The following CRTAC1 variants were observed in gnomAD, a reference collection of about 807,000 sequenced individuals.
CRTAC1 encodes cartilage acidic protein 1.
CRTAC1 carries 37 observed loss-of-function variants against 67.8 expected under a neutral mutation model. The observed-to-expected ratio is 0.55, with a 90% CI of 0.42 to 0.72. CRTAC1 has a LOEUF of 0.72. Among genes scored for constraint, CRTAC1 ranks in the 30% least tolerant of loss-of-function variants. The pLI, the probability that CRTAC1 is intolerant of heterozygous loss-of-function variation, is 0.00. For missense variants in CRTAC1, 780 were observed against 931.6 expected (o/e 0.84, Z 2.12); for synonymous variants, 348 against 371.0 (o/e 0.94, Z 0.71).
rs114558221 is a variant in CRTAC1, at chr10:97,940,810, C to T, written c.225-4444G>A. Among the ~76,000 whole-genome samples the T allele has an allele frequency of 7.1e-3, 1,076 of 152,308 alleles. 8 individuals carry two copies. The highest frequency in any genetic ancestry group is 0.023 in the African/African-American group (963 of 41,564). ...CGAGGTGCCAGAGTGTGTGTGACAA[C>T]ACTTGGTAAACTGTGAAGAGTTACA... On this transcript the variant is annotated intron_variant, in intron 2 of 14. Coordinates refer to ENST00000370597, the MANE Select transcript of CRTAC1 (RefSeq NM_018058.7).
intron 11 of CRTAC1, among the ~76,000 whole-genome samples, chr10:97,887,195 A>G (rs994943518): frequency 8.0e-5 from 12 of 149,896 alleles, no homozygotes; most frequent in Admixed American, 2.6e-4. Flanking sequence ...ATAGACAATC[A>G]CAGATTTGCA....
At chr10:97,882,605 C>A (rs684225) in intron 13 of CRTAC1, among the ~76,000 whole-genome samples, 181 bp downstream of exon 13, 58,325 of 152,100 alleles carry the variant, frequency 0.38, 11,962 homozygotes, top group East Asian at 0.59. Context: ...TAATATCACT[C>A]CCACCCTGGT....
At chr10:97,955,427 C>T (rs2051424734) in intron 2 of CRTAC1, among the ~76,000 whole-genome samples, 1 of 152,262 alleles carries the variant, frequency 6.6e-6, no homozygotes, top group Non-Finnish European at 1.5e-5. Flanking sequence ...CCCCTGTACA[C>T]TGCACTGCTT....
intron 2 of CRTAC1, among the ~76,000 whole-genome samples, chr10:97,969,196 C>G (rs544570184): frequency 6.6e-6 from 1 of 152,330 alleles, no homozygotes; most frequent in Admixed American, 6.5e-5. Flanking sequence ...ATCCCAGCTC[C>G]AATCCAAGAG....
chr10:97,927,532 G>C (rs2050939559), intron 3 of CRTAC1, among the ~76,000 whole-genome samples: 1 of 152,228 alleles, frequency 6.6e-6, no homozygotes, highest in Non-Finnish European at 1.5e-5. Context: ...TGTCTGGTCA[G>C]GCTCAGAGCT....
intron 11 of CRTAC1, among the ~76,000 whole-genome samples, chr10:97,891,732 G>C (rs2050377754): frequency 2.6e-5 from 4 of 152,156 alleles, no homozygotes; most frequent in Non-Finnish European, 5.9e-5. Context: ...CTTCTCCACT[G>C]GCGCCCTCGC....
intron 2 of CRTAC1, among the ~76,000 whole-genome samples, chr10:98,006,819 A>G (rs915454773): frequency 6.6e-6 from 1 of 152,224 alleles, no homozygotes; most frequent in Non-Finnish European, 1.5e-5. Context: ...ATAAGGTAAT[A>G]GAGGGTGGAC....
intron 2 of CRTAC1, among the ~76,000 whole-genome samples, chr10:98,010,549 C>T (rs1308460485): frequency 6.6e-6 from 1 of 152,142 alleles, no homozygotes; most frequent in African/African-American, 2.4e-5. Context: ...ATTTGGATTC[C>T]TAGTCTTATG....
intron 2 of CRTAC1, among the ~76,000 whole-genome samples, chr10:97,953,507 G>C (rs1421477752): frequency 6.6e-6 from 1 of 152,178 alleles, no homozygotes; most frequent in Non-Finnish European, 1.5e-5. Flanking sequence ...AACACTGTCT[G>C]TGTTGGTTTA....
At chr10:97,976,763 G>A (rs1053820527) in intron 2 of CRTAC1, among the ~76,000 whole-genome samples, 11 of 152,136 alleles carry the variant, frequency 7.2e-5, no homozygotes, top group South Asian at 4.2e-4. Context: ...TCTATTTTTC[G>A]TACTAGTTAT....
At chr10:98,006,442 G>A (rs971690488) in intron 2 of CRTAC1, among the ~76,000 whole-genome samples, 4 of 152,036 alleles carry the variant, frequency 2.6e-5, no homozygotes, top group East Asian at 1.9e-4. Flanking sequence ...GATCTGAGCC[G>A]GCCCAGTCCC....
chr10:97,987,633 A>G (rs1350099058), intron 2 of CRTAC1, among the ~76,000 whole-genome samples: 1 of 152,200 alleles, frequency 6.6e-6, no homozygotes. Context: ...ATCTACATGC[A>G]CCTACTTTCC....
rs187123855 is a variant in CRTAC1, at chr10:97,884,289, C to T, written c.1549G>A (p.Val517Met). 707 of 1,555,384 alleles carry T rather than the reference C, an allele frequency of 4.5e-4. No individual in the cohort carries two copies. The highest frequency in any genetic ancestry group is 1.6e-3 in the Middle Eastern group (9 of 5,542). Residue 517 changes from valine (V) to methionine (M), a missense_variant, in exon 12 of 15, where the codon GTG becomes ATG. Coordinates refer to ENST00000370597, the MANE Select transcript of CRTAC1 (RefSeq NM_018058.7). Reference protein sequence around the residue: ...WPDGKMVSRNVASGEMNSVLE... With the variant: ...WPDGKMVSRNMASGEMNSVLE... The stretch of plus-strand genomic sequence containing the variant: ...ACTGAGTTCATCTCCCCGCTGGCCA[C>T]GTTCCGGCTCACCATCTTGCCATCT...
chr10:98,011,305 G>C lies in CRTAC1; in HGVS notation c.57C>G (p.Leu19=), dbSNP rs1380656519. ...ACCCCTCAGTGATGGGCAGAAACCA[G>C]AGCAGCAGCAGGAACGGTAACATCC... The part of the protein sequence containing the change: ...MSRMLPFLLL[L]WFLPITEGSQ... Residue 19 remains leucine, a synonymous_variant, in exon 2 of 15, where the codon CTC becomes CTG. Coordinates refer to ENST00000370597, the MANE Select transcript of CRTAC1 (RefSeq NM_018058.7). The C allele has an allele frequency of 6.2e-7, 1 of 1,614,016 alleles. No homozygotes were observed. The highest frequency in any genetic ancestry group is 8.5e-7 in the Non-Finnish European group (1 of 1,180,040).
intron 2 of CRTAC1, among the ~76,000 whole-genome samples, chr10:97,997,816 G>T (rs1842613449): frequency 6.6e-6 from 1 of 152,166 alleles, no homozygotes. Context: ...TAGTGAACTG[G>T]AAGATATAAC....
Position 97,940,847 on chromosome 10 carries a change from T to A in CRTAC1, c.225-4481A>T, listed in dbSNP as rs1254660057. Among the ~76,000 whole-genome samples the A allele has an allele frequency of 2.0e-5, 3 of 152,300 alleles. No homozygotes were observed. The East Asian group carries it at 5.8e-4, about 29-fold the overall frequency. Reference sequence around the variant, plus strand: ...TGTGAAGAGTTACACAATCAGAAGTTCTTATCATTATTTAGAAAAACAACA... The same window carrying A: ...TGTGAAGAGTTACACAATCAGAAGTACTTATCATTATTTAGAAAAACAACA... On this transcript the variant is annotated intron_variant, in intron 2 of 14. Transcript: ENST00000370597.
In CRTAC1 at chr10:97,993,528, T is replaced by G. The variant is rs150463375; in HGVS notation, c.224+17610A>C. Among the ~76,000 whole-genome samples, 10 of 152,336 alleles carry G rather than the reference T, an allele frequency of 6.6e-5. No homozygotes were observed. In the East Asian group the frequency reaches 1.9e-3, roughly 29 times the overall value. On this transcript the variant is annotated intron_variant, in intron 2 of 14. Transcript: ENST00000370597. ...CTTGAAGGAGGGGATCATATTCTTG[T>G]ATCTTCCAAAGTGCTGAGCACACAA...
chr10:97,898,769 G>A (rs1207842629), intron 8 of CRTAC1, among the ~76,000 whole-genome samples: 1 of 152,158 alleles, frequency 6.6e-6, no homozygotes, highest in African/African-American at 2.4e-5. Flanking sequence ...GTGGTGTCAT[G>A]GTGGAGAGTG....
intron 2 of CRTAC1, among the ~76,000 whole-genome samples, chr10:98,010,811 T>C (rs7919280): frequency 0.013 from 1,976 of 152,316 alleles, 51 homozygotes; most frequent in African/African-American, 0.042. Context: ...AGAAGTAATA[T>C]CTGCATAATC....
Sources: gnomAD v4.1 joint callset for allele counts (sites outside exome capture counted in the v4.1 genomes callset) on GRCh38, gnomAD v4.1.1 for gene constraint, MANE v1.5 for transcripts, NCBI Gene and HGNC (gene_info 2026-07-23, HGNC 2026-07-21) for gene names.